COL21A1: variants seen among roughly 807,000 people sequenced by gnomAD.
COL21A1 encodes collagen alpha-1(XXI) chain.
In COL21A1, 149 loss-of-function variants were observed where a neutral mutation model predicts 137.9. The observed-to-expected ratio is 1.08, with a 90% confidence interval of 0.95 to 1.24. The LOEUF (loss-of-function observed/expected upper bound fraction) is 1.24. COL21A1 is among the 50% of genes most tolerant of loss of function. The pLI, the probability that COL21A1 is intolerant of heterozygous loss-of-function variation, is 0.00. For synonymous variants in COL21A1, 456 were observed against 391.5 expected (o/e 1.16, Z -1.95); for missense variants, 1,167 against 1,158.4 (o/e 1.01, Z -0.11).
chr6:56,388,492 C>T (rs1443744391), intron 1 of COL21A1, among the ~76,000 whole-genome samples: 1 of 152,216 alleles, frequency 6.6e-6, no homozygotes, highest in Non-Finnish European at 1.5e-5. Context: ...TTACCCAAGT[C>T]AACCAATGCT....
intron 1 of COL21A1, among the ~76,000 whole-genome samples, chr6:56,344,517 G>A (rs1183120637): frequency 6.6e-6 from 1 of 152,162 alleles, no homozygotes; most frequent in East Asian, 1.9e-4. Context: ...ATTATCATGT[G>A]TATATTTACA....
In COL21A1 at chr6:56,101,531, A is replaced by T; in HGVS notation, c.1759-6T>A. The T allele has an allele frequency of 6.3e-7, 1 of 1,579,918 alleles. No individual in the cohort carries two copies. Among genetic ancestry groups the T allele is most frequent in the South Asian group, 1.2e-5 (1 of 86,094 alleles). On this transcript the variant is annotated splice_region_variant and splice_polypyrimidine_tract_variant and intron_variant, in intron 16 of 29. Transcript: ENST00000244728. ...CCAGGGGATCCTGCTTCTCCCTTTTAATGATTTGACAAAAAGAAATAGAGA... is the reference window on the plus strand; with the variant it reads ...CCAGGGGATCCTGCTTCTCCCTTTTTATGATTTGACAAAAAGAAATAGAGA...
Position 56,207,621 on chromosome 6 carries a change from T to C in COL21A1, c.-38-24965A>G, listed in dbSNP as rs192122924. On this transcript the variant is annotated intron_variant, in intron 1 of 29. Transcript: ENST00000244728. The stretch of plus-strand genomic sequence containing the variant: ...TGCCAGAAGTACAAAGAGGAGCTGA[T>C]ACCATTCCTTCTGAAACTATTCCAA... Among the ~76,000 whole-genome samples the C allele has an allele frequency of 1.9e-3, 286 of 152,278 alleles. 1 individual carries two copies. Among genetic ancestry groups the C allele is most frequent in the East Asian group, 4.8e-3 (25 of 5,180 alleles).
chr6:56,350,356 C>T (rs865947964), intron 1 of COL21A1, among the ~76,000 whole-genome samples: 21 of 152,124 alleles, frequency 1.4e-4, no homozygotes, highest in African/African-American at 4.8e-4. Context: ...GGCACTTGTA[C>T]TACATGGGAG....
chr6:56,332,840 T>C (rs1175574836), intron 1 of COL21A1, among the ~76,000 whole-genome samples: 2 of 152,108 alleles, frequency 1.3e-5, no homozygotes, highest in Non-Finnish European at 2.9e-5. Context: ...CTATTAAATG[T>C]TCCTTGCCCA....
chr6:56,112,875 G>T (rs2152190991), intron 16 of COL21A1, among the ~76,000 whole-genome samples: 1 of 151,862 alleles, frequency 6.6e-6, no homozygotes, highest in Middle Eastern at 3.4e-3. Flanking sequence ...GTAGAGATGG[G>T]GTTTCTCCAT....
intron 12 of COL21A1, among the ~76,000 whole-genome samples, chr6:56,139,255 T>C (rs4715580): frequency 0.57 from 86,113 of 151,890 alleles, 24,735 homozygotes; most frequent in East Asian, 0.79. Flanking sequence ...CACCAATTTA[T>C]AGCATTTAAT....
At chr6:56,303,003 T>G (rs1342512006) in intron 1 of COL21A1, among the ~76,000 whole-genome samples, 4 of 152,124 alleles carry the variant, frequency 2.6e-5, no homozygotes, top group Non-Finnish European at 4.4e-5. Context: ...TCCCCATTGC[T>G]TGTTTTTCTC....
At chr6:56,377,381 G>A (rs554190765) in intron 1 of COL21A1, among the ~76,000 whole-genome samples, 1 of 151,982 alleles carries the variant, frequency 6.6e-6, no homozygotes, top group Non-Finnish European at 1.5e-5. Context: ...CTCCAGCAGT[G>A]ATGGTGTGAG....
At chr6:56,390,542 AC>A (rs1335185111) in intron 1 of COL21A1, among the ~76,000 whole-genome samples, 13 of 146,360 alleles carry the variant, frequency 8.9e-5, no homozygotes, top group Non-Finnish European at 4.5e-5. Flanking sequence ...ACACGACCCT[AC>A]TATATGCTGC....
intron 22 of COL21A1, among the ~76,000 whole-genome samples, chr6:56,067,905 G>A (rs1766402522): frequency 6.6e-6 from 1 of 151,602 alleles, no homozygotes; most frequent in Non-Finnish European, 1.5e-5. Context: ...GAAACAGCCA[G>A]TTAAGCACCT....
chr6:56,159,836 C>T (rs370591645), intron 9 of COL21A1, among the ~76,000 whole-genome samples: 3 of 151,766 alleles, frequency 2.0e-5, no homozygotes, highest in East Asian at 1.9e-4. Flanking sequence ...AAATTTGGCA[C>T]GGAAAAGGGA....
At chr6:56,374,703 A>G (rs1227004754) in intron 1 of COL21A1, among the ~76,000 whole-genome samples, 1 of 145,060 alleles carries the variant, frequency 6.9e-6, no homozygotes, top group Non-Finnish European at 1.5e-5. Context: ...GCCTTGTGAC[A>G]GAGTGAGACT....
intron 1 of COL21A1, among the ~76,000 whole-genome samples, chr6:56,259,241 C>G (rs1050571273): frequency 6.6e-6 from 1 of 152,134 alleles, no homozygotes; most frequent in Non-Finnish European, 1.5e-5. Flanking sequence ...ACCATCCTGG[C>G]CTGGAGTTTA....
chr6:56,178,882 A>G (rs1314017176), intron 3 of COL21A1, among the ~76,000 whole-genome samples: 1 of 152,116 alleles, frequency 6.6e-6, no homozygotes, highest in African/African-American at 2.4e-5. Context: ...CCCCAACTTT[A>G]AAAATGTCAG....
At chr6:56,205,187 A>C (rs1779680972) in intron 1 of COL21A1, among the ~76,000 whole-genome samples, 1 of 152,154 alleles carries the variant, frequency 6.6e-6, no homozygotes, top group South Asian at 2.1e-4. Flanking sequence ...AAACTCCTTC[A>C]AGCTAAAGGA....
intron 1 of COL21A1, among the ~76,000 whole-genome samples, chr6:56,358,718 C>A (rs1013453132): frequency 2.6e-5 from 4 of 151,908 alleles, no homozygotes; most frequent in Non-Finnish European, 4.4e-5. Context: ...CAAACATGTC[C>A]CCAAGTCAGG....
chr6:56,247,992 C>T (rs3807013), upstream of COL21A1, among the ~76,000 whole-genome samples: 22,403 of 152,186 alleles, frequency 0.15, 3,042 homozygotes, highest in East Asian at 0.61. Context: ...ATGTTCCTTG[C>T]TTTCAACCAA....
chr6:56,179,542 T>G, intron 3 of COL21A1, 36 bp downstream of exon 3: 1 of 1,488,152 alleles, frequency 6.7e-7, no homozygotes, highest in African/African-American at 1.4e-5. Context: ...AATTATTAAT[T>G]GCTTCCAAAT....
Sources: gnomAD v4.1 joint callset for allele counts (sites outside exome capture counted in the v4.1 genomes callset) on GRCh38, gnomAD v4.1.1 for gene constraint, MANE v1.5 for transcripts, NCBI Gene and HGNC (gene_info 2026-07-23, HGNC 2026-07-21) for gene names.